Variants in SV2B observed in about 807,000 individuals in gnomAD.
SV2B encodes synaptic vesicle glycoprotein 2B.
A neutral mutation model predicts 73.9 loss-of-function variants in SV2B; 41 were observed. The ratio of observed to expected loss-of-function variants is 0.56; its 90% CI spans 0.43 to 0.72. SV2B has a LOEUF of 0.72. Among genes scored for constraint, SV2B ranks in the 30% least tolerant of loss-of-function variants. The pLI is 0.00. For synonymous variants in SV2B, 314 were observed against 314.2 expected (o/e 1.00, Z 0.01); for missense variants, 764 against 857.8 (o/e 0.89, Z 1.37).
At chr15:91,285,389 A>G (rs1366926800) in intron 11 of SV2B, among the ~76,000 whole-genome samples, 1 of 152,204 alleles carries the variant, frequency 6.6e-6, no homozygotes, top group African/African-American at 2.4e-5. Flanking sequence ...TTACTCGTCC[A>G]TAACCCGTGT....
At position 91,261,775 on chromosome 15, in the gene SV2B, A is replaced by AAAAC. The variant is rs2047917319; in HGVS notation, c.1008+1378_1008+1381dup. Among the ~76,000 whole-genome samples, 1 of 152,218 alleles carries AAAAC rather than the reference A, an allele frequency of 6.6e-6. No individual in the cohort carries two copies. Among genetic ancestry groups the AAAAC allele is most frequent in the Non-Finnish European group, 1.5e-5 (1 of 68,036 alleles). On this transcript the variant is annotated intron_variant, in intron 6 of 12. Transcript: ENST00000394232. This position sits in a 1 kb window ranked among gnomAD's most constrained non-coding sequence, Gnocchi z 4.7. ...TTTCTTGCCAGTTTTAAAAGCAGAC[A>AAAAC]AAACAAACAAACAAAAAACCAAAAC...
At position 91,284,234 on chromosome 15, in the gene SV2B, CA is replaced by C; in HGVS notation, c.1708+14del. 6.2e-7 allele frequency: 1 copy of C among 1,613,922 alleles called. No individual in the cohort carries two copies. The highest frequency in any genetic ancestry group is 8.5e-7 in the Non-Finnish European group (1 of 1,179,898). On this transcript the variant is annotated intron_variant, in intron 11 of 12. Coordinates refer to ENST00000394232, the MANE Select transcript of SV2B (RefSeq NM_001323032.3). The surrounding 1 kb of genome is among the most constrained non-coding windows in gnomAD (Gnocchi z 4.5). Reference sequence around the variant, plus strand: ...CTCAAGATGATTGGTGAGTTGCCAGCAGGGTCATTCCTGGGTTCCAACGCGC... The same window carrying C: ...CTCAAGATGATTGGTGAGTTGCCAGCGGGTCATTCCTGGGTTCCAACGCGC...
At chr15:91,291,079 CAT>C (rs1304284601) in intron 12 of SV2B, among the ~76,000 whole-genome samples, 1 of 147,192 alleles carries the variant, frequency 6.8e-6, no homozygotes, top group East Asian at 1.9e-4. Context: ...TAATTAATAA[CAT>C]ATAATTAGTA....
rs565066069 is a variant in SV2B, at chr15:91,227,890, T to C, written c.451+1176T>C. ...TCTGTAAAGACCCAGATAGTAAATA[T>C]TGTAGACCTTGCAGACCCAGATGGT... is the stretch of plus-strand genomic sequence containing the variant. On this transcript the variant is annotated intron_variant, in intron 2 of 12. Coordinates refer to ENST00000394232, the MANE Select transcript of SV2B (RefSeq NM_001323032.3). This position sits in a 1 kb window ranked among gnomAD's most constrained non-coding sequence, Gnocchi z 4.5. Among the ~76,000 whole-genome samples the C allele has an allele frequency of 6.6e-6, 1 of 152,334 alleles. No homozygotes were observed. The highest frequency in any genetic ancestry group is 2.1e-4 in the South Asian group (1 of 4,832).
At position 91,140,265 on chromosome 15, in the gene SV2B, G is replaced by A. The variant is rs1359618329; in HGVS notation, c.-392+39902G>A. Among the ~76,000 whole-genome samples, 2 of 152,140 alleles carry A rather than the reference G, an allele frequency of 1.3e-5. No homozygotes were observed. Among genetic ancestry groups the A allele is most frequent in the East Asian group, 3.9e-4 (2 of 5,188 alleles). On this transcript the variant is annotated intron_variant, in intron 1 of 12. Transcript: ENST00000394232. The surrounding 1 kb of genome is among the most constrained non-coding windows in gnomAD (Gnocchi z 4.4). The stretch of plus-strand genomic sequence containing the variant: ...TAGGAACAAAGTTACATTTTCTCAA[G>A]CCTTGACATTTTAACAGTACCAGGT...
Position 91,294,200 on chromosome 15 carries a change from G to A in SV2B, c.*1648G>A, listed in dbSNP as rs2049142133. 1 of 152,178 alleles carries A rather than the reference G, an allele frequency of 6.6e-6. No individual in the cohort carries two copies. The highest frequency in any genetic ancestry group is 1.5e-5 in the Non-Finnish European group (1 of 68,032). 9.4% of individuals were successfully genotyped at this position (152,178 alleles called of 1,614,324 possible). ...CAGAATAATAATGGCTATATCGAGTGTTTTCTCAGTATTGGAGAAATGCTT... is the reference window on the plus strand; with the variant it reads ...CAGAATAATAATGGCTATATCGAGTATTTTCTCAGTATTGGAGAAATGCTT... On this transcript the variant is annotated 3_prime_UTR_variant, in exon 13 of 13. Transcript: ENST00000394232. This position sits in a 1 kb window ranked among gnomAD's most constrained non-coding sequence, Gnocchi z 4.1.
At position 91,229,668 on chromosome 15, in the gene SV2B, C is replaced by G. The variant is rs371822863; in HGVS notation, c.451+2954C>G. On this transcript the variant is annotated intron_variant, in intron 2 of 12. Transcript: ENST00000394232. The surrounding 1 kb of genome is among the most constrained non-coding windows in gnomAD (Gnocchi z 4.3). ...ATTCTGAGGACTAAATAAGGTTAAT[C>G]CATTTAACATGACTAAAACAGTACC... 5.9e-5 allele frequency among the ~76,000 whole-genome samples: 9 copies of G among 152,142 alleles called. No homozygotes were observed. The highest frequency in any genetic ancestry group is 2.2e-4 in the African/African-American group (9 of 41,416).
At chr15:91,135,167 T>C (rs1260759353) in intron 1 of SV2B, among the ~76,000 whole-genome samples, 1 of 152,132 alleles carries the variant, frequency 6.6e-6, no homozygotes, top group Non-Finnish European at 1.5e-5. Flanking sequence ...ATTCTAATAC[T>C]ACAGATATAC....
rs1295733476 is a variant in SV2B, at chr15:91,110,453, C to A, written c.-392+10090C>A. On this transcript the variant is annotated intron_variant, in intron 1 of 12. Transcript: ENST00000394232. The surrounding 1 kb of genome is among the most constrained non-coding windows in gnomAD (Gnocchi z 5.4). The stretch of plus-strand genomic sequence containing the variant: ...CAACAGCCTCCTCTGATTGCTCAAT[C>A]CTCTGGGATTTTCCCTGCCTGGCTC... Among the ~76,000 whole-genome samples, 6 of 152,212 alleles carry A rather than the reference C, an allele frequency of 3.9e-5. No individual in the cohort carries two copies. The highest frequency in any genetic ancestry group is 6.5e-5 in the Admixed American group (1 of 15,284).
In SV2B at chr15:91,265,578, G is replaced by A. The variant is rs2048070540; in HGVS notation, c.1009-1004G>A. Among the ~76,000 whole-genome samples, 1 of 152,172 alleles carries A rather than the reference G, an allele frequency of 6.6e-6. No individual in the cohort carries two copies. Among genetic ancestry groups the A allele is most frequent in the African/African-American group, 2.4e-5 (1 of 41,444 alleles). Reference sequence around the variant, plus strand: ...TGAGTTGATGTTAACTTCCCCTGTAGCCTCCTTTATCTGTAGCTGGGGGTC... The same window carrying A: ...TGAGTTGATGTTAACTTCCCCTGTAACCTCCTTTATCTGTAGCTGGGGGTC... On this transcript the variant is annotated intron_variant, in intron 6 of 12. Coordinates refer to ENST00000394232, the MANE Select transcript of SV2B (RefSeq NM_001323032.3). The surrounding 1 kb of genome is among the most constrained non-coding windows in gnomAD (Gnocchi z 4.2).
In SV2B at chr15:91,253,329, C is replaced by T. The variant is rs1165263726; in HGVS notation, c.784+809C>T. 6.6e-6 allele frequency among the ~76,000 whole-genome samples: 1 copy of T among 152,178 alleles called. No individual in the cohort carries two copies. The highest frequency in any genetic ancestry group is 1.5e-5 in the Non-Finnish European group (1 of 68,042). On this transcript the variant is annotated intron_variant, in intron 4 of 12. Transcript: ENST00000394232. The surrounding 1 kb of genome is among the most constrained non-coding windows in gnomAD (Gnocchi z 5.0). The stretch of plus-strand genomic sequence containing the variant: ...GAATCCTCAGACCCCGAGGGGGTAG[C>T]AGACAGCTGCCCCTGAAGCTGACTG...
At chr15:91,101,432 G>A (rs1197227103) in intron 1 of SV2B, among the ~76,000 whole-genome samples, 1 of 152,072 alleles carries the variant, frequency 6.6e-6, no homozygotes, top group African/African-American at 2.4e-5. Context: ...TACTTACTGA[G>A]CACTTAGTAT....
intron 1 of SV2B, among the ~76,000 whole-genome samples, chr15:91,170,594 T>C (rs2044089305): frequency 6.6e-6 from 1 of 152,206 alleles, no homozygotes; most frequent in African/African-American, 2.4e-5. Context: ...GCCTGATTTG[T>C]TAGATTTTTA....
In SV2B at chr15:91,258,717, C is replaced by T. The variant is rs111322009; in HGVS notation, c.918+163C>T. Among the ~76,000 whole-genome samples, 65 of 152,212 alleles carry T rather than the reference C, an allele frequency of 4.3e-4. No individual in the cohort carries two copies. The highest frequency in any genetic ancestry group is 1.5e-3 in the African/African-American group (62 of 41,542). ...ACTCATCATTGAATCTGGCACCTGC[C>T]GGCTGTGATGGTGGCAGGTCATGGA... On this transcript the variant is annotated intron_variant, in intron 5 of 12. Coordinates refer to ENST00000394232, the MANE Select transcript of SV2B (RefSeq NM_001323032.3). The surrounding 1 kb of genome is among the most constrained non-coding windows in gnomAD (Gnocchi z 4.7).
intron 1 of SV2B, among the ~76,000 whole-genome samples, chr15:91,178,697 T>G (rs2044424692): frequency 6.6e-6 from 1 of 151,606 alleles, no homozygotes; most frequent in Non-Finnish European, 1.5e-5. Flanking sequence ...TTTGTAGTAT[T>G]CTCTGGTGGT....
At position 91,139,007 on chromosome 15, in the gene SV2B, G is replaced by A. The variant is rs577696008; in HGVS notation, c.-392+38644G>A. 3.3e-5 allele frequency among the ~76,000 whole-genome samples: 5 copies of A among 152,326 alleles called. No homozygotes were observed. Among genetic ancestry groups the A allele is most frequent in the African/African-American group, 4.8e-5 (2 of 41,580 alleles). The stretch of plus-strand genomic sequence containing the variant: ...AATTAAACCAGTGAAATTACGAGAC[G>A]ATTAGGGAAATGTGAACACTGATTG... On this transcript the variant is annotated intron_variant, in intron 1 of 12. Transcript: ENST00000394232. The surrounding 1 kb of genome is among the most constrained non-coding windows in gnomAD (Gnocchi z 5.2).
chr15:91,266,669 A>G lies in SV2B; in HGVS notation c.1096A>G (p.Arg366Gly). Reference sequence around the variant, plus strand: ...AACCTGGTACCAGCGCTGGCTGGTCAGATTCAAGACCATTTTCAAGCAGGT... The same window carrying G: ...AACCTGGTACCAGCGCTGGCTGGTCGGATTCAAGACCATTTTCAAGCAGGT... ...TGTWYQRWLV[R>G]FKTIFKQVWD... Residue 366 changes from arginine to glycine, a missense_variant, in exon 7 of 13, where the codon AGA becomes GGA. By Grantham distance (125) the Arg-to-Gly change is moderately radical (BLOSUM62 -2). Transcript: ENST00000394232. 6.2e-7 allele frequency: 1 copy of G among 1,613,868 alleles called. No individual in the cohort carries two copies. Among genetic ancestry groups the G allele is most frequent in the Non-Finnish European group, 8.5e-7 (1 of 1,179,794 alleles).
chr15:91,151,694 GA>G (rs1232429078), intron 1 of SV2B, among the ~76,000 whole-genome samples: 1 of 152,206 alleles, frequency 6.6e-6, no homozygotes, highest in Non-Finnish European at 1.5e-5. Flanking sequence ...CATTTCCTTG[GA>G]AATGACAAGG....
Position 91,298,911 on chromosome 15 carries a change from A to G in SV2B, c.*6359A>G, listed in dbSNP as rs1307551988. The G allele has an allele frequency of 6.6e-6, 1 of 152,206 alleles. No individual in the cohort carries two copies. The highest frequency in any genetic ancestry group is 1.5e-5 in the Non-Finnish European group (1 of 68,020). 9.4% of individuals were successfully genotyped at this position (152,206 alleles called of 1,614,324 possible). ...GTCCTCCACTTCTTACCTACCATAT[A>G]TAATCTCAGTAATTCAGATTTCTCT... On this transcript the variant is annotated 3_prime_UTR_variant, in exon 13 of 13. Transcript: ENST00000394232. The surrounding 1 kb of genome is among the most constrained non-coding windows in gnomAD (Gnocchi z 5.4).
Sources: allele counts gnomAD v4.1 joint callset (sites outside exome capture counted in the v4.1 genomes callset), GRCh38; gene constraint gnomAD v4.1.1; non-coding constraint Gnocchi (gnomAD v3.1); transcripts MANE v1.5; gene names NCBI Gene and HGNC (gene_info 2026-07-23, HGNC 2026-07-21).